Variants in ANK2 observed in about 807,000 individuals in gnomAD.
ANK2 encodes ankyrin 2, also known as ankyrin-2.
Under a neutral mutation model 360.5 loss-of-function variants are expected in ANK2, and 83 were observed. The ratio of observed to expected loss-of-function variants is 0.23; its 90% CI spans 0.19 to 0.28. The LOEUF is 0.28. Among genes scored for constraint, ANK2 ranks in the 10% least tolerant of loss-of-function variants. ANK2 has a pLI of 1.00. For missense variants in ANK2, 4,201 were observed against 4,795.7 expected, an observed-to-expected ratio of 0.88 and a Z score of 3.66; for synonymous variants, 1,740 against 1,759.5, an observed-to-expected ratio of 0.99 and a Z score of 0.28.
chr4:112,805,496 G>C, the ANK2 span, among the ~76,000 whole-genome samples: 4 of 151,914 alleles, frequency 2.6e-5, no homozygotes, highest in Middle Eastern at 3.4e-3. Context: ...CTAGACAAGG[G>C]TTCATTTTTT....
the ANK2 span, among the ~76,000 whole-genome samples, chr4:112,775,271 C>T: frequency 6.6e-6 from 1 of 152,120 alleles, no homozygotes; most frequent in Non-Finnish European, 1.5e-5. Context: ...GTAATCCCAG[C>T]ACTTTTGGAG....
Position 113,310,876 on chromosome 4 carries a change from T to G in ANK2, c.2549-379T>G, listed in dbSNP as rs894268998. On this transcript the variant is annotated intron_variant, in intron 23 of 45. Transcript: ENST00000357077. ...TAGTCTCCTGAAATGTTAATAAAAC[T>G]CATATTTTTTTCTGAAAGTAATGTA... 2.6e-5 allele frequency among the ~76,000 whole-genome samples: 4 copies of G among 152,346 alleles called. No homozygotes were observed. The South Asian group carries it at 8.3e-4, about 32-fold the overall frequency.
chr4:112,886,533 G>A (rs550631241), intron 1 of ANK2, among the ~76,000 whole-genome samples: 5 of 152,074 alleles, frequency 3.3e-5, no homozygotes, highest in South Asian at 4.2e-4. Context: ...GTGGTGGCGC[G>A]CGCCTGTAAT....
At chr4:112,980,525 A>G (rs534707811) in intron 2 of ANK2, 1 of 152,338 alleles carries the variant, frequency 6.6e-6, no homozygotes, top group South Asian at 2.1e-4. Flanking sequence ...TCAACAATAG[A>G]TTGCTGTGAA....
At chr4:113,296,324 A>G (rs2071410126) in intron 22 of ANK2, among the ~76,000 whole-genome samples, 1 of 152,202 alleles carries the variant, frequency 6.6e-6, no homozygotes, top group Admixed American at 6.5e-5. Context: ...TACTGATGAT[A>G]GCACAATAGA....
rs781478156 is a variant in ANK2 at position 113,341,670 on chromosome 4, CTT to C, written c.3894-16_3894-15del. The C allele has an allele frequency of 6.8e-6, 11 of 1,612,216 alleles. No homozygotes were observed. In the African/African-American group the frequency reaches 1.2e-4, roughly 18 times the overall value. ...TATACTTTGAACTTTAGATAACTGA[CTT>C]TATTTATTTTAATAGGTTCTGGCTG... On this transcript the variant is annotated splice_polypyrimidine_tract_variant and intron_variant, in intron 32 of 45. Coordinates refer to ENST00000357077, the MANE Select transcript of ANK2 (RefSeq NM_001148.6).
Position 113,336,680 on chromosome 4 carries a change from C to G in ANK2, c.3695C>G (p.Pro1232Arg), listed in dbSNP as rs748091597. The G allele has an allele frequency of 6.2e-7, 1 of 1,614,058 alleles. No homozygotes were observed. The highest frequency in any genetic ancestry group is 8.5e-7 in the Non-Finnish European group (1 of 1,179,982). ...LEPRRRKFHKPITMTIPVPKA... is the reference protein window; with the variant it reads ...LEPRRRKFHKRITMTIPVPKA... The stretch of plus-strand genomic sequence containing the variant: ...CCTAGAAGAAGAAAATTCCACAAAC[C>G]AATTACCATGACCATTCCTGTCCCC... The change falls in exon 31 of 46, where the codon CCA becomes CGA. Residue 1232 changes from proline to arginine, a missense_variant. Transcript: ENST00000357077.
At chr4:113,258,740 G>C (rs904007954) in intron 13 of ANK2, among the ~76,000 whole-genome samples, 7 of 152,132 alleles carry the variant, frequency 4.6e-5, no homozygotes, top group African/African-American at 1.7e-4. Context: ...ATGGATAATT[G>C]GTTCGAATAG....
chr4:113,328,050 C>G (rs1214279901), intron 26 of ANK2, among the ~76,000 whole-genome samples: 1 of 152,056 alleles, frequency 6.6e-6, no homozygotes, highest in Non-Finnish European at 1.5e-5. Context: ...GTTCTTCCAT[C>G]GAGGCTCCAT....
At chr4:113,116,309 C>T (rs1405083769) in intron 1 of ANK2, among the ~76,000 whole-genome samples, 1 of 152,140 alleles carries the variant, frequency 6.6e-6, no homozygotes, top group African/African-American at 2.4e-5. Context: ...TTTCCTCTTT[C>T]CCATTCTCTA....
At chr4:113,226,376 T>C (rs2099221946) in intron 4 of ANK2, among the ~76,000 whole-genome samples, 1 of 152,220 alleles carries the variant, frequency 6.6e-6, no homozygotes, top group Non-Finnish European at 1.5e-5. Flanking sequence ...TAAGTTTCCG[T>C]ATGTCCTGTG....
At chr4:112,711,681 G>A in the ANK2 span, among the ~76,000 whole-genome samples, 1 of 151,616 alleles carries the variant, frequency 6.6e-6, no homozygotes, top group Admixed American at 6.6e-5. Flanking sequence ...TTAGCCGGGT[G>A]TAGTGGAGGG....
chr4:112,953,367 A>G (rs552006738), intron 2 of ANK2, among the ~76,000 whole-genome samples: 33 of 152,380 alleles, frequency 2.2e-4, no homozygotes, highest in African/African-American at 7.9e-4. Context: ...AGAAGGAAAT[A>G]AAGTTCTGTT....
chr4:113,315,422 C>T (rs1281233395), intron 24 of ANK2, among the ~76,000 whole-genome samples: 4 of 152,104 alleles, frequency 2.6e-5, no homozygotes, highest in Admixed American at 6.6e-5. Flanking sequence ...CATTATTTAC[C>T]ATTCAGTTTG....
chr4:113,104,332 C>A (rs1352952250), intron 1 of ANK2, among the ~76,000 whole-genome samples: 1 of 152,040 alleles, frequency 6.6e-6, no homozygotes, highest in African/African-American at 2.4e-5. Flanking sequence ...AAAATAAAAC[C>A]TTCTAAAAAA....
At chr4:113,232,119 T>C (rs751928295) in intron 4 of ANK2, 42 bp from the exon 5 acceptor site, 12 of 1,400,812 alleles carry the variant, frequency 8.6e-6, no homozygotes, top group African/African-American at 2.8e-5. Flanking sequence ...TTCTCTCTTA[T>C]ACAAATGATT....
intron 37 of ANK2, among the ~76,000 whole-genome samples, 166 bp from the exon 38 acceptor site, chr4:113,352,879 C>A (rs1253444106): frequency 6.6e-6 from 1 of 151,230 alleles, no homozygotes; most frequent in South Asian, 2.1e-4. Flanking sequence ...TTGCTTTGCT[C>A]TTGTACCCTG....
intron 1 of ANK2, chr4:112,826,948 G>GTGC: frequency 6.5e-7 from 1 of 1,539,744 alleles, no homozygotes; most frequent in Non-Finnish European, 9.0e-7. Flanking sequence ...GAATTGGTTG[G>GTGC]CACACTCATT....
the ANK2 span, among the ~76,000 whole-genome samples, chr4:112,713,666 A>G: frequency 6.6e-6 from 1 of 152,132 alleles, no homozygotes; most frequent in African/African-American, 2.4e-5. Flanking sequence ...TTATATAGTA[A>G]GTATATGTTT....
Sources: allele counts gnomAD v4.1 joint callset (sites outside exome capture counted in the v4.1 genomes callset), GRCh38; gene constraint gnomAD v4.1.1; transcripts MANE v1.5; gene names NCBI Gene and HGNC (gene_info 2026-07-23, HGNC 2026-07-21).